Variants in HLTF observed in about 807,000 individuals in gnomAD.
HLTF encodes the protein helicase like transcription factor.
In HLTF, 127 loss-of-function variants were observed where a neutral mutation model predicts 129.4. The observed-to-expected ratio is 0.98, with a 90% confidence interval of 0.85 to 1.14. The LOEUF (loss-of-function observed/expected upper bound fraction) is 1.14. Ranked by LOEUF, HLTF falls within the 50% of genes most tolerant of loss-of-function variation. The pLI, the probability that HLTF is intolerant of heterozygous loss-of-function variation, is 0.00. For missense variants in HLTF, 1,139 were observed against 1,187.1 expected (o/e 0.96, Z 0.60); for synonymous variants, 332 against 388.8 (o/e 0.85, Z 1.72).
chr3:149,038,952 G>A (rs902429342), intron 23 of HLTF, 97 bp downstream of exon 23: 1 of 662,390 alleles, frequency 1.5e-6, no homozygotes, highest in Non-Finnish European at 2.4e-6. Context: ...AATTTTCACA[G>A]TTAATTATAA....
At chr3:149,068,717 T>C (rs1718610349) in intron 7 of HLTF, among the ~76,000 whole-genome samples, 1 of 152,216 alleles carries the variant, frequency 6.6e-6, no homozygotes, top group African/African-American at 2.4e-5. Flanking sequence ...CATATAATCA[T>C]TTTATTAAAA....
intron 8 of HLTF, among the ~76,000 whole-genome samples, chr3:149,066,703 C>G (rs1718411357): frequency 6.6e-6 from 1 of 151,998 alleles, no homozygotes; most frequent in Non-Finnish European, 1.5e-5. Context: ...GATAATTTCT[C>G]AATTAATAAT....
intron 20 of HLTF, among the ~76,000 whole-genome samples, chr3:149,040,700 A>G (rs754811744): frequency 1.3e-5 from 2 of 152,108 alleles, no homozygotes; most frequent in African/African-American, 4.8e-5. Context: ...TTACAATTAA[A>G]TAATTCTGAA....
intron 8 of HLTF, among the ~76,000 whole-genome samples, chr3:149,065,336 C>T (rs1269194924): frequency 1.3e-5 from 2 of 152,192 alleles, no homozygotes; most frequent in Admixed American, 1.3e-4. Context: ...AGAGTGTCCT[C>T]TCTTCTTACT....
intron 2 of HLTF, among the ~76,000 whole-genome samples, chr3:149,076,713 G>C (rs1719387877): frequency 6.6e-6 from 1 of 152,058 alleles, no homozygotes; most frequent in Non-Finnish European, 1.5e-5. Context: ...TAAATATTAT[G>C]ATGTATATTT....
chr3:149,086,246 G>A (rs1207562856), intron 1 of HLTF, 71 bp downstream of exon 1: 16 of 1,476,440 alleles, frequency 1.1e-5, no homozygotes, highest in African/African-American at 1.4e-5. Flanking sequence ...GGAACGCGGG[G>A]AAGGTCAGGT....
rs1718661957 is a variant in HLTF, at chr3:149,069,385, C to T, written c.895-1050G>A. On this transcript the variant is annotated intron_variant, in intron 7 of 24. Transcript: ENST00000310053. ...ACTTGGGAGGCTAAGGAAGGAGAAT[C>T]ACTTGAACCTGGGAGGCGGAGGGTG... Among the ~76,000 whole-genome samples, 2 of 150,832 alleles carry T rather than the reference C, an allele frequency of 1.3e-5. 1 individual carries two copies. The highest frequency in any genetic ancestry group is 4.2e-4 in the South Asian group (2 of 4,790).
In HLTF at chr3:149,064,804, A is replaced by C; in HGVS notation, c.1053T>G (p.Asp351Glu). 1 of 1,587,146 alleles carries C rather than the reference A, an allele frequency of 6.3e-7. No individual in the cohort carries two copies. Among genetic ancestry groups the C allele is most frequent in the Non-Finnish European group, 8.7e-7 (1 of 1,156,028 alleles). Residue 351 changes from aspartate (D) to glutamate (E), a missense_variant, in exon 9 of 25, where the codon GAT becomes GAG. Transcript: ENST00000310053. Reference sequence around the variant, plus strand: ...ATTAGCATTTACCTTTGCTTAGTCCATCTGCCTTTTCACTGGTATTGTTTC... The same window carrying C: ...ATTAGCATTTACCTTTGCTTAGTCCCTCTGCCTTTTCACTGGTATTGTTTC... ...LGGNNTSEKA[D>E]GLSKDASRCS...
At position 149,048,888 on chromosome 3, in the gene HLTF, T is replaced by G. The variant is rs779466153; in HGVS notation, c.1731A>C (p.Glu577Asp). 6.2e-7 allele frequency: 1 copy of G among 1,613,548 alleles called. No individual in the cohort carries two copies. The highest frequency in any genetic ancestry group is 8.5e-7 in the Non-Finnish European group (1 of 1,179,578). Residue 577 changes from glutamate (E) to aspartate (D), a missense_variant, in exon 16 of 25, where the codon GAA becomes GAC. Coordinates refer to ENST00000310053, the MANE Select transcript of HLTF (RefSeq NM_003071.4). ...AQQTKAVLDL[E>D]SERRWVLTGT... is the part of the protein sequence containing the mutation. ...CTGTCAAAACCCATCTTCTTTCTGA[T>G]TCTAAGTCAAGTACAGCTTTTGTCT...
chr3:149,074,306 C>CAG lies in HLTF; in HGVS notation c.436_437dup (p.His147CysfsTer3). 6.2e-7 allele frequency: 1 copy of CAG among 1,613,368 alleles called. No homozygotes were observed. On this transcript the variant is annotated frameshift_variant, in exon 4 of 25. Coordinates refer to ENST00000310053, the MANE Select transcript of HLTF (RefSeq NM_003071.4). LOFTEE classifies it high-confidence loss of function. ...CTTCTTTTCCCCAAAAAGTCATATG[C>CAG]AGAGGCATGGTAAAAGCATTGTTTG...
At chr3:149,071,496 T>A in intron 6 of HLTF, 53 bp from the exon 7 acceptor site, 1 of 1,491,584 alleles carries the variant, frequency 6.7e-7, no homozygotes. Flanking sequence ...CTTTTTCACA[T>A]GCAGATCCTG....
rs376261471 is a variant in HLTF at position 149,064,876 on chromosome 3, T to C, written c.991-10A>G. 2.7e-6 allele frequency: 4 copies of C among 1,503,916 alleles called. No individual in the cohort carries two copies. Among genetic ancestry groups the C allele is most frequent in the African/African-American group, 1.4e-5 (1 of 72,440 alleles). The allele number at this position is 1,503,916 out of a possible 1,614,324, so 93.2% of individuals were successfully genotyped here. A position where few individuals can be genotyped will look rare whatever the true frequency, so the allele number is the denominator to read the frequency against. On this transcript the variant is annotated splice_polypyrimidine_tract_variant and intron_variant, in intron 8 of 24. Coordinates refer to ENST00000310053, the MANE Select transcript of HLTF (RefSeq NM_003071.4). ...CGTTAACATTATATTCCTGGGTAAA[T>C]AGGCATATTTCTTAAACAGTACTGC...
chr3:149,077,911 G>C (rs184297338), intron 2 of HLTF, among the ~76,000 whole-genome samples: 169 of 152,180 alleles, frequency 1.1e-3, no homozygotes, highest in African/African-American at 3.7e-3. Context: ...ACCAAGTACA[G>C]ACTTCAGTGA....
chr3:149,057,114 A>T (rs1022800400), intron 13 of HLTF, among the ~76,000 whole-genome samples: 3 of 132,080 alleles, frequency 2.3e-5, no homozygotes, highest in African/African-American at 8.9e-5. Context: ...TCTCAAAAAA[A>T]AAAAAAAAAA....
intron 20 of HLTF, 76 bp from the exon 21 acceptor site, chr3:149,040,232 G>GT: frequency 1.5e-6 from 2 of 1,300,356 alleles, no homozygotes; most frequent in Non-Finnish European, 1.1e-6. Context: ...ATTTTTAAAT[G>GT]TATGCTAAAA....
intron 18 of HLTF, among the ~76,000 whole-genome samples, chr3:149,043,547 GAAAAAAA>G (rs35953851): frequency 1.2e-5 from 1 of 83,680 alleles, no homozygotes; most frequent in East Asian, 3.9e-4. Context: ...ACTTCAGAGG[GAAAAAAA>G]AAAAAAAAAA....
At chr3:149,083,225 T>G (rs1720034266) in intron 2 of HLTF, among the ~76,000 whole-genome samples, 1 of 151,492 alleles carries the variant, frequency 6.6e-6, no homozygotes, top group East Asian at 1.9e-4. Context: ...CACTCCAGCC[T>G]GGGCAATGCA....
intron 5 of HLTF, among the ~76,000 whole-genome samples, chr3:149,072,040 G>A (rs528359251): frequency 6.6e-6 from 1 of 152,228 alleles, no homozygotes; most frequent in African/African-American, 2.4e-5. Context: ...GCAAGAAAGT[G>A]AGACCCTGTC....
intron 2 of HLTF, among the ~76,000 whole-genome samples, chr3:149,077,978 C>T (rs1410472706): frequency 3.3e-5 from 5 of 152,158 alleles, no homozygotes; most frequent in East Asian, 1.9e-4. Flanking sequence ...CACTAACAAA[C>T]ACACACTAAT....
Sources: gnomAD v4.1 joint callset for allele counts (sites outside exome capture counted in the v4.1 genomes callset) on GRCh38, gnomAD v4.1.1 for gene constraint, MANE v1.5 for transcripts, NCBI Gene and HGNC (gene_info 2026-07-23, HGNC 2026-07-21) for gene names.